Variants in PCGF3 observed in about 807,000 individuals in gnomAD.
PCGF3 encodes the protein polycomb group ring finger 3, also known as polycomb group RING finger protein 3.
Under a neutral mutation model 33.1 loss-of-function variants are expected in PCGF3, and 7 were observed. That is an observed-to-expected ratio of 0.21 (90% CI 0.12 to 0.40). The LOEUF is 0.40. PCGF3 is among the 10% of genes least tolerant of loss of function. The probability of loss-of-function intolerance (pLI) is 1.00; values close to 1 mark genes in which losing one functional copy is unlikely to be tolerated. For synonymous variants in PCGF3, 153 were observed against 121.3 expected (o/e 1.26, Z -1.72); for missense variants, 211 against 313.3 (o/e 0.67, Z 2.46).
intron 8 of PCGF3, chr4:757,321 G>A (rs1267592759): frequency 6.6e-6 from 1 of 152,288 alleles, no homozygotes; most frequent in African/African-American, 2.4e-5. Flanking sequence ...TGGCACACCT[G>A]TTCCCTGAGT....
chr4:737,650 C>T (rs1370400332), intron 6 of PCGF3, 129 bp downstream of exon 6: 6 of 660,378 alleles, frequency 9.1e-6, no homozygotes, highest in Middle Eastern at 3.0e-4. Flanking sequence ...CTTCTCATCC[C>T]TGCTCTCAGC....
chr4:757,442 A>G (rs1164867640), intron 8 of PCGF3: 1 of 152,280 alleles, frequency 6.6e-6, no homozygotes, highest in African/African-American at 2.4e-5. Flanking sequence ...GTGTTCCCGT[A>G]TAGAAACGTT....
chr4:726,973 C>T (rs1427263080), intron 1 of PCGF3, among the ~76,000 whole-genome samples: 2 of 152,170 alleles, frequency 1.3e-5, no homozygotes, highest in Admixed American at 6.5e-5. Context: ...CCAGACTTGC[C>T]GTTGTTCTGG....
Position 766,538 on chromosome 4 carries a change from T to C in PCGF3, c.*459T>C, listed in dbSNP as rs1464070101. 6 of 153,132 alleles carry C rather than the reference T, an allele frequency of 3.9e-5. No homozygotes were observed. In the South Asian group the frequency reaches 1.0e-3, roughly 26 times the overall value. 9.5% of individuals were successfully genotyped at this position (153,132 alleles called of 1,614,324 possible). ...AATGTCTTTTCATGGTGAATGACAATATTTATGTTGCCTTTAGCTTCTTGA... is the reference window on the plus strand; with the variant it reads ...AATGTCTTTTCATGGTGAATGACAACATTTATGTTGCCTTTAGCTTCTTGA... On this transcript the variant is annotated 3_prime_UTR_variant, in exon 11 of 11. Coordinates refer to ENST00000362003, the Ensembl canonical transcript of PCGF3.
chr4:727,786 G>T (rs929761831), intron 1 of PCGF3, among the ~76,000 whole-genome samples: 1 of 152,142 alleles, frequency 6.6e-6, no homozygotes, highest in South Asian at 2.1e-4. Context: ...GTGTTTCCTG[G>T]TGAGGTTAAC....
chr4:743,251 G>A (rs556987919), intron 6 of PCGF3, among the ~76,000 whole-genome samples: 7 of 152,360 alleles, frequency 4.6e-5, no homozygotes, highest in Admixed American at 2.0e-4. Context: ...GCCGGTCTGC[G>A]ACTCAACGTC....
At chr4:737,764 C>T (rs1351922477) in intron 6 of PCGF3, among the ~76,000 whole-genome samples, 4 of 152,198 alleles carry the variant, frequency 2.6e-5, no homozygotes, top group African/African-American at 4.8e-5. Context: ...GCATGTTTAG[C>T]ACATGGGACC....
At chr4:764,144 C>T (rs549685898) in intron 9 of PCGF3, among the ~76,000 whole-genome samples, 45 of 152,222 alleles carry the variant, frequency 3.0e-4, no homozygotes, top group African/African-American at 8.7e-4. Flanking sequence ...GCTCTGGACT[C>T]GGTGGAGGTG....
chr4:734,352 G>C, intron 4 of PCGF3: 1 of 1,425,740 alleles, frequency 7.0e-7, no homozygotes. Context: ...ACCGCTGTGT[G>C]CGTCTCTTGA....
chr4:751,721 G>A (rs1451814901), intron 8 of PCGF3, among the ~76,000 whole-genome samples: 1 of 152,138 alleles, frequency 6.6e-6, no homozygotes, highest in Non-Finnish European at 1.5e-5. Context: ...GCATGAAGCT[G>A]TGGATGCTGT....
chr4:758,544 G>A (rs73222804), intron 8 of PCGF3, among the ~76,000 whole-genome samples: 20,464 of 106,824 alleles, frequency 0.19, 59 homozygotes, highest in Middle Eastern at 0.34. Flanking sequence ...CCTCTCCCGA[G>A]TTCTCCCTCC....
At chr4:743,361 C>A in intron 6 of PCGF3, 113 bp from the exon 7 acceptor site, 2 of 663,628 alleles carry the variant, frequency 3.0e-6, no homozygotes, top group South Asian at 1.8e-5. Context: ...TTATTAGTAG[C>A]CTTCAAACTT....
At chr4:770,055 T>C (rs1577457371) in exon 11 of PCGF3, 1 of 152,622 alleles carries the variant, frequency 6.6e-6, no homozygotes. Context: ...CAATTAATAT[T>C]ATATGCTTGT....
intron 1 of PCGF3, among the ~76,000 whole-genome samples, chr4:707,453 G>A (rs185352403): frequency 6.6e-6 from 1 of 151,830 alleles, no homozygotes; most frequent in East Asian, 1.9e-4. Context: ...TCTCCCCCGG[G>A]ACCCTGAGAC....
At chr4:727,146 T>C (rs938829956) in intron 1 of PCGF3, among the ~76,000 whole-genome samples, 5 of 152,060 alleles carry the variant, frequency 3.3e-5, no homozygotes, top group African/African-American at 1.2e-4. Context: ...AACTAGGTGG[T>C]TGTTTCCAGT....
chr4:765,812 C>T (rs1745336993), intron 10 of PCGF3, among the ~76,000 whole-genome samples: 1 of 152,122 alleles, frequency 6.6e-6, no homozygotes, highest in Admixed American at 6.5e-5. Context: ...GTCACTGGGT[C>T]ACCTGGGGCC....
At chr4:714,907 C>G (rs1474750734) in intron 1 of PCGF3, among the ~76,000 whole-genome samples, 1 of 152,214 alleles carries the variant, frequency 6.6e-6, no homozygotes, top group South Asian at 2.1e-4. Flanking sequence ...AACTGGGCGT[C>G]GGTTCTGGGA....
At chr4:707,986 G>A (rs1742402263) in intron 1 of PCGF3, among the ~76,000 whole-genome samples, 1 of 130,088 alleles carries the variant, frequency 7.7e-6, no homozygotes, top group African/African-American at 2.7e-5. Flanking sequence ...TTCCCCTGGG[G>A]GTCGGGACCC....
At chr4:766,318 G>A (rs567645677) in exon 11 of PCGF3, 9 of 459,884 alleles carry the variant, frequency 2.0e-5, no homozygotes, top group South Asian at 2.8e-5. Context: ...GCCCCACCCC[G>A]TGCTTCAGCC....
Sources: gnomAD v4.1 joint callset for allele counts (sites outside exome capture counted in the v4.1 genomes callset) on GRCh38, gnomAD v4.1.1 for gene constraint, MANE v1.5 for transcripts, NCBI Gene and HGNC (gene_info 2026-07-23, HGNC 2026-07-21) for gene names.